DIP2C: variants seen among roughly 807,000 people sequenced by gnomAD.
DIP2C encodes the protein disco-interacting protein 2 homolog C.
DIP2C carries 33 observed loss-of-function variants against 192.4 expected under a neutral mutation model. The observed-to-expected ratio is 0.17, with a 90% CI of 0.13 to 0.23. The LOEUF is 0.23. Among genes scored for constraint, DIP2C ranks in the 10% least tolerant of loss-of-function variants. DIP2C has a pLI of 1.00. For missense variants in DIP2C, 1,537 were observed against 2,110.1 expected (o/e 0.73, Z 5.32); for synonymous variants, 979 against 864.1 (o/e 1.13, Z -2.33).
At chr10:486,273 C>G (rs966570768) in intron 2 of DIP2C, among the ~76,000 whole-genome samples, 186 bp downstream of exon 2, 1 of 152,210 alleles carries the variant, frequency 6.6e-6, no homozygotes, top group Non-Finnish European at 1.5e-5. Flanking sequence ...TAGAAAAATC[C>G]TCTGTGCCTT....
chr10:303,770 G>A (rs1368761797), intron 32 of DIP2C, among the ~76,000 whole-genome samples: 11 of 152,232 alleles, frequency 7.2e-5, no homozygotes, highest in South Asian at 6.2e-4. Flanking sequence ...TGATCTGCCC[G>A]CCTCAGCCTC....
chr10:518,907 G>A (rs1049223608), intron 1 of DIP2C, among the ~76,000 whole-genome samples: 9 of 152,230 alleles, frequency 5.9e-5, no homozygotes, highest in South Asian at 2.1e-4. Flanking sequence ...GCCCCTCGAC[G>A]TCAGTCTGAA....
At chr10:378,524 T>C (rs202068774) in intron 17 of DIP2C, among the ~76,000 whole-genome samples, 1 of 148,424 alleles carries the variant, frequency 6.7e-6, no homozygotes, top group Admixed American at 6.7e-5. Flanking sequence ...TGAACACACA[T>C]GCACAAAGAC....
chr10:306,088 T>C (rs1393097175), intron 32 of DIP2C, among the ~76,000 whole-genome samples: 1 of 152,052 alleles, frequency 6.6e-6, no homozygotes, highest in Non-Finnish European at 1.5e-5. Context: ...TCATTTTAAA[T>C]GAATTACACT....
At chr10:595,941 TTA>T (rs1181648670) in intron 1 of DIP2C, among the ~76,000 whole-genome samples, 2 of 152,130 alleles carry the variant, frequency 1.3e-5, no homozygotes, top group African/African-American at 2.4e-5. Context: ...AGGAAAAAGC[TTA>T]TTTTTAAGCC....
chr10:323,849 G>A (rs928419124), intron 31 of DIP2C, among the ~76,000 whole-genome samples: 5 of 152,152 alleles, frequency 3.3e-5, no homozygotes, highest in Non-Finnish European at 5.9e-5. Flanking sequence ...CTGTGTGCTG[G>A]GCTCTATGGA....
At chr10:673,077 CCCGGCCTT>C (rs1447407490) in intron 1 of DIP2C, among the ~76,000 whole-genome samples, 1 of 152,100 alleles carries the variant, frequency 6.6e-6, no homozygotes, top group Non-Finnish European at 1.5e-5. Flanking sequence ...ATGAGCTTTC[CCCGGCCTT>C]GCTGCTCAGC....
At chr10:464,857 T>C (rs1276042708) in intron 3 of DIP2C, among the ~76,000 whole-genome samples, 1 of 151,850 alleles carries the variant, frequency 6.6e-6, no homozygotes, top group Non-Finnish European at 1.5e-5. Context: ...AATCTCTGAA[T>C]AGACCAATAA....
intron 1 of DIP2C, among the ~76,000 whole-genome samples, chr10:574,252 G>T (rs1278545267): frequency 6.6e-6 from 1 of 152,154 alleles, no homozygotes; most frequent in African/African-American, 2.4e-5. Context: ...ATTTCACAAA[G>T]ATTTTGCACA....
rs751070860 is a variant in DIP2C at position 345,052 on chromosome 10, C to A, written c.3290G>T (p.Arg1097Met). The change falls in exon 27 of 37, where the codon AGG becomes ATG. Residue 1097 changes from arginine to methionine, a missense_variant. By Grantham distance (91) the Arg-to-Met change is moderately conservative. Around this residue, in one of 4 missense-constraint regions of DIP2C, gnomAD observed 677 missense variants for 989.9 expected, o/e 0.68. Transcript: ENST00000280886. Reference sequence around the variant, plus strand: ...GACGTCCACAGCCGCCGCCGCCTCCCTGGACCGCAGCAACTTACAGATCAG... The same window carrying A: ...GACGTCCACAGCCGCCGCCGCCTCCATGGACCGCAGCAACTTACAGATCAG... ...TQLICKLLRS[R>M]EAAAAVDVRT... 6.2e-7 allele frequency: 1 copy of A among 1,613,650 alleles called. No homozygotes were observed. The highest frequency in any genetic ancestry group is 1.3e-5 in the African/African-American group (1 of 74,914).
intron 1 of DIP2C, among the ~76,000 whole-genome samples, chr10:682,157 G>A (rs1041164832): frequency 6.6e-6 from 1 of 152,228 alleles, no homozygotes; most frequent in Non-Finnish European, 1.5e-5. Context: ...CCAGAGCAAC[G>A]GCCGCTGGAG....
intron 31 of DIP2C, among the ~76,000 whole-genome samples, chr10:324,455 T>C (rs1057191314): frequency 6.6e-6 from 1 of 152,126 alleles, no homozygotes; most frequent in Admixed American, 6.5e-5. Context: ...TCGCATTGCT[T>C]TGTACATAAA....
At chr10:391,485 G>A (rs969949166) in intron 10 of DIP2C, among the ~76,000 whole-genome samples, 1 of 152,232 alleles carries the variant, frequency 6.6e-6, no homozygotes, top group South Asian at 2.1e-4. Context: ...GCTCCAGGCT[G>A]CCAGCTCCGG....
At position 685,179 on chromosome 10, in the gene DIP2C, TATATATAC is replaced by T. The variant is rs1354734897; in HGVS notation, c.85+4307_85+4314del. On this transcript the variant is annotated intron_variant, in intron 1 of 36. Transcript: ENST00000280886. ...AAAAAAAAATATATATATATATATA[TATATATAC>T]ATATATATATATATATATATAAACA... 3.5e-3 allele frequency among the ~76,000 whole-genome samples: 74 copies of T among 21,160 alleles called. 1 individual carries two copies. The highest frequency in any genetic ancestry group is 8.3e-3 in the African/African-American group (62 of 7,464). 13.9% of individuals were successfully genotyped at this position (21,160 alleles called of 152,430 possible).
intron 1 of DIP2C, among the ~76,000 whole-genome samples, chr10:646,293 T>C (rs1588666510): frequency 6.9e-6 from 1 of 144,534 alleles, no homozygotes; most frequent in Non-Finnish European, 1.5e-5. Flanking sequence ...GTGCAGGTAC[T>C]GGAGCTGCTG....
chr10:513,100 T>C (rs572065096), intron 1 of DIP2C, among the ~76,000 whole-genome samples: 3 of 152,318 alleles, frequency 2.0e-5, no homozygotes, highest in Non-Finnish European at 4.4e-5. Flanking sequence ...TAAAAGCACA[T>C]GCATTTTAAG....
chr10:495,106 A>G (rs1844723479), intron 1 of DIP2C, among the ~76,000 whole-genome samples: 1 of 152,248 alleles, frequency 6.6e-6, no homozygotes, highest in South Asian at 2.1e-4. Flanking sequence ...ATATTACGCT[A>G]AGTGAAATAA....
At chr10:285,295 G>A (rs1392101193) in intron 34 of DIP2C, among the ~76,000 whole-genome samples, 1 of 152,224 alleles carries the variant, frequency 6.6e-6, no homozygotes, top group Non-Finnish European at 1.5e-5. Flanking sequence ...TGCGTCCAGG[G>A]CTGAGGAGGA....
intron 1 of DIP2C, among the ~76,000 whole-genome samples, chr10:579,300 C>T (rs1850410716): frequency 6.6e-6 from 1 of 151,798 alleles, no homozygotes; most frequent in South Asian, 2.1e-4. Flanking sequence ...ATGTAGTGTA[C>T]ACACATAGGT....
Sources: gnomAD v4.1 joint callset for allele counts (sites outside exome capture counted in the v4.1 genomes callset) on GRCh38, gnomAD v4.1.1 for gene constraint, gnomAD v4.1.1 regional missense constraint, MANE v1.5 for transcripts, NCBI Gene and HGNC (gene_info 2026-07-23, HGNC 2026-07-21) for gene names.